The following CUTC variants were observed in gnomAD, a reference collection of about 807,000 sequenced individuals.
CUTC encodes copper homeostasis protein cutC homolog.
CUTC carries 27 observed loss-of-function variants against 36.2 expected under a neutral mutation model. The observed-to-expected ratio is 0.75, with a 90% CI of 0.55 to 1.03. The LOEUF (loss-of-function observed/expected upper bound fraction) is 1.03, where lower values mean the gene tolerates loss of function less well. CUTC is among the 50% of genes least tolerant of loss of function. The probability of loss-of-function intolerance (pLI) is 0.00; values close to 1 mark genes in which losing one functional copy is unlikely to be tolerated. For synonymous variants in CUTC, 114 were observed against 118.3 expected (o/e 0.96, Z 0.24); for missense variants, 315 against 343.5 (o/e 0.92, Z 0.66).
rs1308674369 is a variant in CUTC at position 99,742,231 on chromosome 10, G to A, written c.194-922G>A. Among the ~76,000 whole-genome samples, 3 of 152,130 alleles carry A rather than the reference G, an allele frequency of 2.0e-5. No individual in the cohort carries two copies. In the East Asian group the frequency reaches 5.8e-4, roughly 29 times the overall value. On this transcript the variant is annotated intron_variant, in intron 3 of 8. Transcript: ENST00000370476. ...TTTTATTATTATTATTATTATAGGTGGGAGGGTAAATCCAGTCACTGTTAC... is the reference window on the plus strand; with the variant it reads ...TTTTATTATTATTATTATTATAGGTAGGAGGGTAAATCCAGTCACTGTTAC...
chr10:99,754,500 C>T (rs753263311), intron 7 of CUTC, 29 bp from the exon 8 acceptor site: 1 of 1,374,848 alleles, frequency 7.3e-7, no homozygotes, highest in Admixed American at 1.8e-5. Context: ...TTCTATTTTA[C>T]TTAATGTGTT....
chr10:99,743,855 C>G (rs1050007233), intron 4 of CUTC, among the ~76,000 whole-genome samples, 182 bp from the exon 5 acceptor site: 1 of 152,112 alleles, frequency 6.6e-6, no homozygotes, highest in East Asian at 1.9e-4. Context: ...GTATAAAAAT[C>G]AGAGATTTGT....
At chr10:99,743,039 T>G (rs780685696) in intron 3 of CUTC, 114 bp from the exon 4 acceptor site, 74 of 904,618 alleles carry the variant, frequency 8.2e-5, no homozygotes, top group Admixed American at 5.6e-4. Flanking sequence ...TATACATTTT[T>G]CTTCTCAGTG....
rs563544893 is a variant in CUTC, at chr10:99,754,371, T to C, written c.602-158T>C. 3.9e-5 allele frequency among the ~76,000 whole-genome samples: 6 copies of C among 152,346 alleles called. No homozygotes were observed. In the South Asian group the frequency reaches 1.2e-3, roughly 32 times the overall value. Reference sequence around the variant, plus strand: ...CTGTAGCCTATATATCTTTTATCACTTCTCTAATCTCATTCTAGCTGGGTA... The same window carrying C: ...CTGTAGCCTATATATCTTTTATCACCTCTCTAATCTCATTCTAGCTGGGTA... On this transcript the variant is annotated intron_variant, in intron 7 of 8. Coordinates refer to ENST00000370476, the MANE Select transcript of CUTC (RefSeq NM_015960.3).
At chr10:99,740,844 T>C (rs1367150360) in intron 3 of CUTC, among the ~76,000 whole-genome samples, 1 of 152,228 alleles carries the variant, frequency 6.6e-6, no homozygotes, top group East Asian at 1.9e-4. Context: ...TTACTGACCT[T>C]TTCTTCTGCA....
chr10:99,755,227 C>T (rs1405418792), intron 8 of CUTC, among the ~76,000 whole-genome samples: 1 of 152,042 alleles, frequency 6.6e-6, no homozygotes, highest in Non-Finnish European at 1.5e-5. Flanking sequence ...GTGGCTCACA[C>T]CTGTAATCCC....
Position 99,732,336 on chromosome 10 carries a change from G to A in CUTC, c.-13G>A, listed in dbSNP as rs1333910883. On this transcript the variant is annotated 5_prime_UTR_variant, in exon 1 of 9. Coordinates refer to ENST00000370476, the MANE Select transcript of CUTC (RefSeq NM_015960.3). ...TGGAAACTGCAGGCGCACGAGGGAG[G>A]AACGCGTGGAGCATGAAAAGGCAGG... 2 of 1,551,986 alleles carry A rather than the reference G, an allele frequency of 1.3e-6. No individual in the cohort carries two copies. Among genetic ancestry groups the A allele is most frequent in the East Asian group, 2.4e-5 (1 of 40,974 alleles).
intron 4 of CUTC, among the ~76,000 whole-genome samples, chr10:99,743,830 C>T (rs972697786): frequency 6.6e-6 from 1 of 152,116 alleles, no homozygotes; most frequent in Non-Finnish European, 1.5e-5. Context: ...GGTGATAAGC[C>T]ACGACCATTT....
At chr10:99,732,644 C>T (rs1590114011) in intron 1 of CUTC, 2 of 1,415,078 alleles carry the variant, frequency 1.4e-6, no homozygotes, top group East Asian at 2.6e-5. Context: ...GGGGTCCCCT[C>T]ATAACGGCCC....
At chr10:99,752,735 A>G (rs1378403340) in intron 7 of CUTC, among the ~76,000 whole-genome samples, 1 of 152,224 alleles carries the variant, frequency 6.6e-6, no homozygotes. Flanking sequence ...GTTACATACA[A>G]AAATATTTGT....
chr10:99,753,599 C>T (rs899521168), intron 7 of CUTC, among the ~76,000 whole-genome samples: 61 of 152,138 alleles, frequency 4.0e-4, no homozygotes, highest in African/African-American at 1.3e-3. Context: ...TTTGTAGAGA[C>T]GGGGTTTCAC....
Position 99,732,340 on chromosome 10 carries a change from G to T in CUTC, c.-9G>T, listed in dbSNP as rs775159611. The T allele has an allele frequency of 1.9e-6, 3 of 1,552,158 alleles. No homozygotes were observed. The highest frequency in any genetic ancestry group is 4.9e-5 in the East Asian group (2 of 40,996). On this transcript the variant is annotated 5_prime_UTR_variant, in exon 1 of 9. Coordinates refer to ENST00000370476, the MANE Select transcript of CUTC (RefSeq NM_015960.3). ...AACTGCAGGCGCACGAGGGAGGAAC[G>T]CGTGGAGCATGAAAAGGCAGGGGGC...
At position 99,736,208 on chromosome 10, in the gene CUTC, A is replaced by T. The variant is rs374616169; in HGVS notation, c.62-38A>T. On this transcript the variant is annotated intron_variant, in intron 1 of 8. Transcript: ENST00000370476. ...GTGGTAAATTGGTCTGGATGGATAGAACCTTTATGAACTCTTACCATTCTC... is the reference window on the plus strand; with the variant it reads ...GTGGTAAATTGGTCTGGATGGATAGTACCTTTATGAACTCTTACCATTCTC... The T allele has an allele frequency of 3.9e-5, 62 of 1,573,508 alleles. No individual in the cohort carries two copies. The African/African-American group carries it at 7.7e-4, about 20-fold the overall frequency.
chr10:99,753,143 T>G (rs936249527), intron 7 of CUTC, among the ~76,000 whole-genome samples: 1 of 152,232 alleles, frequency 6.6e-6, no homozygotes, highest in African/African-American at 2.4e-5. Flanking sequence ...ATGTATTACC[T>G]ATGTACTTAA....
chr10:99,746,951 A>G (rs1182216997), intron 5 of CUTC, among the ~76,000 whole-genome samples: 1 of 151,964 alleles, frequency 6.6e-6, no homozygotes, highest in African/African-American at 2.4e-5. Flanking sequence ...TTTGTATTGT[A>G]GATATGGGGT....
In CUTC at chr10:99,750,480, A is replaced by C. The variant is rs1028859372; in HGVS notation, c.601+84A>C. ...AAGGAGGCAGGAAAATGTGAGAGAG[A>C]GTATTAGTACATTACATATTAGTAC... On this transcript the variant is annotated intron_variant, in intron 7 of 8. Transcript: ENST00000370476. The C allele has an allele frequency of 2.2e-5, 22 of 1,008,562 alleles. No homozygotes were observed. In the African/African-American group the frequency reaches 3.5e-4, roughly 16 times the overall value. The allele number at this position is 1,008,562 out of a possible 1,614,324, so 62.5% of individuals were successfully genotyped here.
At chr10:99,754,750 A>G (rs376877367) in intron 8 of CUTC, 116 bp downstream of exon 8, 3 of 696,860 alleles carry the variant, frequency 4.3e-6, no homozygotes, top group African/African-American at 3.6e-5. Flanking sequence ...TGACTACTAC[A>G]TAAGTATTGT....
chr10:99,755,492 G>T, intron 8 of CUTC, 133 bp from the exon 9 acceptor site: 4 of 575,760 alleles, frequency 6.9e-6, no homozygotes, highest in Non-Finnish European at 9.3e-6. Flanking sequence ...ATTAATTGAT[G>T]AAAATTATGG....
chr10:99,733,239 G>A (rs1221418221), intron 1 of CUTC, among the ~76,000 whole-genome samples: 4 of 152,080 alleles, frequency 2.6e-5, no homozygotes, highest in Non-Finnish European at 5.9e-5. Context: ...AACCCGGGAG[G>A]CGGAGGTTGC....
Sources: gnomAD v4.1 joint callset for allele counts (sites outside exome capture counted in the v4.1 genomes callset) on GRCh38, gnomAD v4.1.1 for gene constraint, MANE v1.5 for transcripts, NCBI Gene and HGNC (gene_info 2026-07-23, HGNC 2026-07-21) for gene names.